PTPRO: variants seen among roughly 807,000 people sequenced by gnomAD.
The protein encoded by PTPRO is receptor-type tyrosine-protein phosphatase O.
Under a neutral mutation model 145.2 loss-of-function variants are expected in PTPRO, and 62 were observed. That is an observed-to-expected ratio of 0.43 (90% CI 0.35 to 0.53). The LOEUF is 0.53. Ranked by LOEUF, PTPRO falls within the 20% of genes least tolerant of loss-of-function variation. The probability of loss-of-function intolerance (pLI) is 0.01; values close to 1 mark genes in which losing one functional copy is unlikely to be tolerated. For missense variants in PTPRO, 1,345 were observed against 1,482.7 expected, an observed-to-expected ratio of 0.91 and a Z score of 1.53; for synonymous variants, 565 against 514.7, an observed-to-expected ratio of 1.10 and a Z score of -1.32.
chr12:15,344,707 C>T (rs927382766), intron 1 of PTPRO, among the ~76,000 whole-genome samples: 1 of 152,152 alleles, frequency 6.6e-6, no homozygotes, highest in African/African-American at 2.4e-5. Flanking sequence ...TCAATGTCGT[C>T]TCTCTCTTTT....
chr12:15,460,024 A>G lies in PTPRO; in HGVS notation c.76-23950A>G, dbSNP rs115618869. On this transcript the variant is annotated intron_variant, in intron 1 of 26. Transcript: ENST00000281171. ...TGTTGCTGTAGTAGTGGAAACCACTATCTTGCTAAGAAGGCTTCACATTGG... is the reference window on the plus strand; with the variant it reads ...TGTTGCTGTAGTAGTGGAAACCACTGTCTTGCTAAGAAGGCTTCACATTGG... 6.2e-3 allele frequency among the ~76,000 whole-genome samples: 938 copies of G among 152,314 alleles called. 8 individuals carry two copies. The highest frequency in any genetic ancestry group is 0.022 in the African/African-American group (897 of 41,566).
At chr12:15,517,476 A>G (rs967607561) in intron 9 of PTPRO, among the ~76,000 whole-genome samples, 1 of 152,078 alleles carries the variant, frequency 6.6e-6, no homozygotes, top group African/African-American at 2.4e-5. Flanking sequence ...TTCAAAACCA[A>G]TCATGCCTTC....
chr12:15,329,499 A>T (rs1368547125), intron 1 of PTPRO, among the ~76,000 whole-genome samples: 3 of 152,210 alleles, frequency 2.0e-5, no homozygotes, highest in African/African-American at 4.8e-5. Context: ...AGTTTCCTTG[A>T]AAGAGCATCC....
intron 12 of PTPRO, among the ~76,000 whole-genome samples, chr12:15,545,218 G>A (rs527417904): frequency 6.6e-6 from 1 of 151,940 alleles, no homozygotes; most frequent in African/African-American, 2.4e-5. Flanking sequence ...AGACTTAGGA[G>A]AGTGGGGCAG....
chr12:15,559,756 C>A (rs1943725279), intron 16 of PTPRO, among the ~76,000 whole-genome samples: 1 of 152,078 alleles, frequency 6.6e-6, no homozygotes, highest in Non-Finnish European at 1.5e-5. Context: ...TGTAAACTGA[C>A]CATTTTTATT....
intron 1 of PTPRO, among the ~76,000 whole-genome samples, chr12:15,475,082 C>T (rs1156897290): frequency 6.6e-6 from 1 of 152,214 alleles, no homozygotes; most frequent in Admixed American, 6.5e-5. Flanking sequence ...GTCCCTTTCT[C>T]TGGATGATTT....
intron 1 of PTPRO, among the ~76,000 whole-genome samples, chr12:15,361,904 G>A (rs1237508629): frequency 1.3e-5 from 2 of 152,128 alleles, no homozygotes; most frequent in African/African-American, 4.8e-5. Context: ...TGGAAATGGA[G>A]AAATGTCTTA....
intron 12 of PTPRO, among the ~76,000 whole-genome samples, chr12:15,545,976 C>T (rs983174353): frequency 6.6e-6 from 1 of 151,190 alleles, no homozygotes; most frequent in Admixed American, 6.6e-5. Context: ...GTTCGCACTA[C>T]TGCACTCCAG....
intron 1 of PTPRO, among the ~76,000 whole-genome samples, chr12:15,347,325 C>T (rs1395110218): frequency 6.6e-6 from 1 of 152,160 alleles, no homozygotes; most frequent in Non-Finnish European, 1.5e-5. Flanking sequence ...ATCACTATAA[C>T]TTGAAGATAT....
chr12:15,496,901 A>G (rs1404404362), intron 2 of PTPRO, among the ~76,000 whole-genome samples: 1 of 152,206 alleles, frequency 6.6e-6, no homozygotes, highest in Non-Finnish European at 1.5e-5. Flanking sequence ...ACTGTCATGT[A>G]CTTGTTAAAT....
chr12:15,362,833 T>C (rs1486509482), intron 1 of PTPRO, among the ~76,000 whole-genome samples: 1 of 152,198 alleles, frequency 6.6e-6, no homozygotes, highest in Non-Finnish European at 1.5e-5. Flanking sequence ...TGTGAAACCT[T>C]TTTTTAAAGA....
chr12:15,493,785 T>C (rs1445219690), intron 2 of PTPRO, among the ~76,000 whole-genome samples: 1 of 152,200 alleles, frequency 6.6e-6, no homozygotes, highest in East Asian at 1.9e-4. Context: ...TAGACCCTTC[T>C]ATTCAGGATT....
intron 1 of PTPRO, among the ~76,000 whole-genome samples, chr12:15,336,670 A>G (rs1290480743): frequency 6.6e-6 from 1 of 152,210 alleles, no homozygotes; most frequent in African/African-American, 2.4e-5. Context: ...TTTACTAGCT[A>G]TGGCATTTGG....
At chr12:15,499,861 G>A (rs1036152701) in intron 4 of PTPRO, among the ~76,000 whole-genome samples, 2 of 152,046 alleles carry the variant, frequency 1.3e-5, no homozygotes, top group African/African-American at 4.8e-5. Context: ...ATAATTAACT[G>A]ACTTACCCAG....
intron 15 of PTPRO, among the ~76,000 whole-genome samples, chr12:15,555,172 A>G (rs1943586487): frequency 6.6e-6 from 1 of 152,080 alleles, no homozygotes; most frequent in African/African-American, 2.4e-5. Context: ...TGGGGGGCGG[A>G]GGTTGCAGTG....
intron 1 of PTPRO, among the ~76,000 whole-genome samples, chr12:15,376,797 G>C (rs1021097642): frequency 6.6e-6 from 1 of 152,044 alleles, no homozygotes; most frequent in South Asian, 2.1e-4. Flanking sequence ...ATTAATGTGG[G>C]CTCCACTCTC....
At position 15,569,419 on chromosome 12, in the gene PTPRO, C is replaced by T. The variant is rs568440293; in HGVS notation, c.2750C>T (p.Pro917Leu). 1.6e-5 allele frequency: 25 copies of T among 1,612,110 alleles called. No individual in the cohort carries two copies. Among genetic ancestry groups the T allele is most frequent in the Admixed American group, 3.3e-5 (2 of 59,960 alleles). Reference protein sequence around the residue: ...NGLKKRKLTNPVQLDDFDAYI... With the variant: ...NGLKKRKLTNLVQLDDFDAYI... ...ATATTTCTTTGTGTTTGGCAAAGCCCGGTTCAACTGGATGACTTTGATGCC... is the reference window on the plus strand; with the variant it reads ...ATATTTCTTTGTGTTTGGCAAAGCCTGGTTCAACTGGATGACTTTGATGCC... The change falls in exon 19 of 27, where the codon CCG becomes CTG. Residue 917 changes from proline (P) to leucine (L), a missense_variant and splice_region_variant. This residue lies in a region of PTPRO where 1,130 missense variants were observed against 1,214.7 expected (regional missense o/e 0.93). Transcript: ENST00000281171.
intron 1 of PTPRO, among the ~76,000 whole-genome samples, chr12:15,413,777 G>A (rs1194307551): frequency 2.0e-5 from 3 of 151,958 alleles, no homozygotes; most frequent in East Asian, 1.9e-4. Context: ...ATCGTGCTAC[G>A]GCGCTCCAGC....
At chr12:15,531,733 C>T (rs1030187037) in intron 12 of PTPRO, among the ~76,000 whole-genome samples, 2 of 152,108 alleles carry the variant, frequency 1.3e-5, no homozygotes, top group African/African-American at 4.8e-5. Context: ...TGCATAATTT[C>T]AATATGTAAT....
Sources: gnomAD v4.1 joint callset for allele counts (sites outside exome capture counted in the v4.1 genomes callset) on GRCh38, gnomAD v4.1.1 for gene constraint, gnomAD v4.1.1 regional missense constraint, MANE v1.5 for transcripts, NCBI Gene and HGNC (gene_info 2026-07-23, HGNC 2026-07-21) for gene names.